The following RBM20 variants were observed in gnomAD, a reference collection of about 807,000 sequenced individuals.
RBM20 encodes the protein RNA-binding protein 20.
RBM20 carries 51 observed loss-of-function variants against 110.1 expected under a neutral mutation model. The observed-to-expected ratio is 0.46, with a 90% confidence interval of 0.37 to 0.59. The LOEUF is 0.59. Ranked by LOEUF, RBM20 falls within the 20% of genes least tolerant of loss-of-function variation. The pLI is 0.00. For missense variants in RBM20, 1,512 were observed against 1,574.9 expected, an observed-to-expected ratio of 0.96 and a Z score of 0.68; for synonymous variants, 589 against 618.2, an observed-to-expected ratio of 0.95 and a Z score of 0.70.
intron 9 of RBM20, among the ~76,000 whole-genome samples, chr10:110,818,309 C>CAA (rs1466741507): frequency 8.3e-6 from 1 of 119,784 alleles, no homozygotes. Context: ...AAAAAAAAAC[C>CAA]AAAACGACAA....
intron 1 of RBM20, among the ~76,000 whole-genome samples, chr10:110,722,716 C>A (rs1159510620): frequency 6.6e-6 from 1 of 152,096 alleles, no homozygotes; most frequent in Non-Finnish European, 1.5e-5. Context: ...TCTATTTGTG[C>A]CCCAGGTAAC....
rs1410644905 is a variant in RBM20, at chr10:110,799,675, G to A, written c.1669-112G>A. The stretch of plus-strand genomic sequence containing the variant: ...CTCAATGCTAACTCCTGTCACCGTT[G>A]ATTAGTTTTGCCTGTTCTTGAACTT... On this transcript the variant is annotated intron_variant, in intron 6 of 13. Coordinates refer to ENST00000369519, the MANE Select transcript of RBM20 (RefSeq NM_001134363.3). 2.9e-6 allele frequency: 3 copies of A among 1,025,868 alleles called. No individual in the cohort carries two copies. The African/African-American group carries it at 4.9e-5, about 17-fold the overall frequency. The allele number at this position is 1,025,868 out of a possible 1,614,324, so 63.5% of individuals were successfully genotyped here.
Position 110,836,068 on chromosome 10 carries a change from T to C in RBM20, c.*90T>C. On this transcript the variant is annotated 3_prime_UTR_variant, in exon 14 of 14. Transcript: ENST00000369519. Reference sequence around the variant, plus strand: ...GCCTTCCTGATTCTGGGGACAGGACTAAAGCCTGAGAGGAAGGAAAACCAA... The same window carrying C: ...GCCTTCCTGATTCTGGGGACAGGACCAAAGCCTGAGAGGAAGGAAAACCAA... 1.6e-6 allele frequency: 1 copy of C among 606,336 alleles called. No individual in the cohort carries two copies. Among genetic ancestry groups the C allele is most frequent in the Non-Finnish European group, 3.0e-6 (1 of 338,644 alleles). 37.6% of individuals were successfully genotyped at this position (606,336 alleles called of 1,614,324 possible).
intron 12 of RBM20, among the ~76,000 whole-genome samples, chr10:110,828,831 T>C (rs1453485137): frequency 6.6e-6 from 1 of 151,298 alleles, no homozygotes; most frequent in Non-Finnish European, 1.5e-5. Context: ...TTGCTTTTTG[T>C]TTTTTGTTTG....
Position 110,784,646 on chromosome 10 carries a change from T to G in RBM20, c.1430-146T>G. On this transcript the variant is annotated intron_variant, in intron 4 of 13. Coordinates refer to ENST00000369519, the MANE Select transcript of RBM20 (RefSeq NM_001134363.3). ...TTGAGACGTAAAGCTTTGCTGATTA[T>G]CAGCATGTCCAGAGGTACAATCATG... 4.2e-6 allele frequency: 3 copies of G among 708,894 alleles called. No homozygotes were observed. The South Asian group carries it at 5.1e-5, about 12-fold the overall frequency. The allele number at this position is 708,894 out of a possible 1,614,324, so 43.9% of individuals were successfully genotyped here. A position where few individuals can be genotyped will look rare whatever the true frequency, so the allele number is the denominator to read the frequency against.
intron 1 of RBM20, among the ~76,000 whole-genome samples, chr10:110,660,819 G>A (rs1290949129): frequency 6.6e-6 from 1 of 152,090 alleles, no homozygotes; most frequent in East Asian, 1.9e-4. Context: ...CACAATAAAT[G>A]TGATATGCTG....
intron 1 of RBM20, among the ~76,000 whole-genome samples, chr10:110,744,583 C>T (rs1843757089): frequency 6.6e-6 from 1 of 152,154 alleles, no homozygotes; most frequent in Admixed American, 6.5e-5. Flanking sequence ...TGAACGGAAA[C>T]TCTGGGGGTG....
At chr10:110,750,756 G>A (rs1843842776) in intron 1 of RBM20, among the ~76,000 whole-genome samples, 1 of 152,174 alleles carries the variant, frequency 6.6e-6, no homozygotes, top group Non-Finnish European at 1.5e-5. Context: ...GCTGACATCA[G>A]TGTACCTGCT....
intron 10 of RBM20, 108 bp from the exon 11 acceptor site, chr10:110,821,167 G>A: frequency 1.1e-6 from 1 of 899,394 alleles, no homozygotes; most frequent in Non-Finnish European, 1.7e-6. Context: ...GTAGAGGTAA[G>A]AATGCTCAGA....
intron 1 of RBM20, among the ~76,000 whole-genome samples, chr10:110,683,752 G>C (rs1862457227): frequency 6.6e-6 from 1 of 152,158 alleles, no homozygotes; most frequent in Admixed American, 6.6e-5. Context: ...TGAATATGTT[G>C]AGTCAGTTTT....
At chr10:110,831,346 T>C in intron 13 of RBM20, 164 bp downstream of exon 13, 1 of 630,142 alleles carries the variant, frequency 1.6e-6, no homozygotes, top group South Asian at 2.4e-5. Flanking sequence ...CACACCAGGC[T>C]GTTTTCTGCT....
intron 1 of RBM20, among the ~76,000 whole-genome samples, chr10:110,669,802 A>T (rs143612223): frequency 4.1e-3 from 630 of 152,308 alleles, no homozygotes; most frequent in South Asian, 6.4e-3. Flanking sequence ...AAAGGTAGGG[A>T]TTGGGGTGGC....
At position 110,752,920 on chromosome 10, in the gene RBM20, C is replaced by CATAT. The variant is rs760317651; in HGVS notation, c.192-27858_192-27855dup. On this transcript the variant is annotated intron_variant, in intron 1 of 13. Coordinates refer to ENST00000369519, the MANE Select transcript of RBM20 (RefSeq NM_001134363.3). ...AATACATATATATTATATATTTATA[C>CATAT]ATATATATATATATATATATATATA... Among the ~76,000 whole-genome samples, 144 of 125,178 alleles carry CATAT rather than the reference C, an allele frequency of 1.2e-3. 2 individuals are homozygous for CATAT. The highest frequency in any genetic ancestry group is 3.5e-3 in the African/African-American group (111 of 31,366). 82.1% of individuals were successfully genotyped at this position (125,178 alleles called of 152,430 possible). A position where few individuals can be genotyped will look rare whatever the true frequency, so the allele number is the denominator to read the frequency against.
chr10:110,758,846 T>C (rs1306856891), intron 1 of RBM20, among the ~76,000 whole-genome samples: 3 of 152,144 alleles, frequency 2.0e-5, no homozygotes, highest in Non-Finnish European at 4.4e-5. Flanking sequence ...GGGCAGCTTG[T>C]GAGAAGGTAC....
At chr10:110,704,481 T>C (rs1326688190) in intron 1 of RBM20, among the ~76,000 whole-genome samples, 1 of 152,244 alleles carries the variant, frequency 6.6e-6, no homozygotes, top group African/African-American at 2.4e-5. Context: ...TTAATAATTA[T>C]AAAAAACACT....
chr10:110,791,970 C>T (rs2135062889), intron 5 of RBM20, among the ~76,000 whole-genome samples: 1 of 152,342 alleles, frequency 6.6e-6, no homozygotes, highest in Admixed American at 6.5e-5. Flanking sequence ...TTCTCCCCTA[C>T]AGTATGTCTT....
chr10:110,738,870 C>T (rs1322318662), intron 1 of RBM20, among the ~76,000 whole-genome samples: 1 of 152,088 alleles, frequency 6.6e-6, no homozygotes, highest in Non-Finnish European at 1.5e-5. Context: ...TGATGGGAGC[C>T]CAGACCTATA....
At chr10:110,786,573 T>C (rs1844421620) in intron 5 of RBM20, among the ~76,000 whole-genome samples, 1 of 152,218 alleles carries the variant, frequency 6.6e-6, no homozygotes, top group Admixed American at 6.5e-5. Context: ...AAAGAGAATT[T>C]TGTGGTTTCC....
At chr10:110,793,314 G>C (rs1389179634) in intron 5 of RBM20, among the ~76,000 whole-genome samples, 2 of 152,126 alleles carry the variant, frequency 1.3e-5, no homozygotes, top group Non-Finnish European at 2.9e-5. Flanking sequence ...AGCAGCCACT[G>C]TCCCGCATCT....
Sources: allele counts gnomAD v4.1 joint callset (sites outside exome capture counted in the v4.1 genomes callset), GRCh38; gene constraint gnomAD v4.1.1; transcripts MANE v1.5; gene names NCBI Gene and HGNC (gene_info 2026-07-23, HGNC 2026-07-21).